Variants in ITGB6 observed in about 807,000 individuals in gnomAD.
ITGB6 encodes the protein integrin beta-6.
ITGB6 carries 80 observed loss-of-function variants against 84.5 expected under a neutral mutation model. The ratio of observed to expected loss-of-function variants is 0.95; its 90% CI spans 0.79 to 1.14. The LOEUF is 1.14. Among genes scored for constraint, ITGB6 ranks in the 50% most tolerant of loss-of-function variants. The pLI is 0.00. For missense variants in ITGB6, 1,006 were observed against 968.0 expected, an observed-to-expected ratio of 1.04 and a Z score of -0.52; for synonymous variants, 383 against 354.9, an observed-to-expected ratio of 1.08 and a Z score of -0.89.
chr2:160,188,691 C>T (rs1013615416), intron 4 of ITGB6, among the ~76,000 whole-genome samples: 2 of 151,982 alleles, frequency 1.3e-5, no homozygotes, highest in Admixed American at 1.3e-4. Flanking sequence ...GCAACCTCCG[C>T]CTCCCTGGTT....
At chr2:160,161,560 G>A (rs1317699375) in intron 7 of ITGB6, among the ~76,000 whole-genome samples, 1 of 151,980 alleles carries the variant, frequency 6.6e-6, no homozygotes, top group Non-Finnish European at 1.5e-5. Flanking sequence ...CAAAGTGCTG[G>A]GATCACAGGC....
chr2:160,117,559 G>A (rs953700009), intron 12 of ITGB6, among the ~76,000 whole-genome samples: 3 of 152,122 alleles, frequency 2.0e-5, no homozygotes, highest in African/African-American at 7.2e-5. Flanking sequence ...ACAAGAGAAA[G>A]CAGGAAAGAT....
chr2:160,102,484 G>A (rs573242796), intron 14 of ITGB6, among the ~76,000 whole-genome samples: 1 of 152,316 alleles, frequency 6.6e-6, no homozygotes, highest in Non-Finnish European at 1.5e-5. Flanking sequence ...CACTGTGTAA[G>A]ACAACCACAA....
Position 160,199,161 on chromosome 2 carries a change from T to C in ITGB6, c.141+18A>G. 1.3e-6 allele frequency: 2 copies of C among 1,598,000 alleles called. No individual in the cohort carries two copies. Among genetic ancestry groups the C allele is most frequent in the Non-Finnish European group, 1.7e-6 (2 of 1,165,498 alleles). On this transcript the variant is annotated intron_variant, in intron 2 of 14. Transcript: ENST00000283249. Reference sequence around the variant, plus strand: ...CTGCAGACAGGTTTTAAAAACACATTGAGGTCATTTATTTTACCTCCTGAG... The same window carrying C: ...CTGCAGACAGGTTTTAAAAACACATCGAGGTCATTTATTTTACCTCCTGAG...
intron 2 of ITGB6, among the ~76,000 whole-genome samples, chr2:160,198,797 C>G (rs536616227): frequency 6.6e-6 from 1 of 152,298 alleles, no homozygotes; most frequent in East Asian, 1.9e-4. Context: ...GGGAATACAA[C>G]TATAATATGA....
At chr2:160,197,011 C>T (rs920681516) in intron 2 of ITGB6, among the ~76,000 whole-genome samples, 1 of 152,112 alleles carries the variant, frequency 6.6e-6, no homozygotes, top group Admixed American at 6.6e-5. Context: ...GTCTGTTACC[C>T]TTATATTGCA....
intron 13 of ITGB6, 94 bp from the exon 14 acceptor site, chr2:160,107,939 C>T (rs1696975653): frequency 9.0e-7 from 1 of 1,110,068 alleles, no homozygotes; most frequent in African/African-American, 1.6e-5. Flanking sequence ...ACATTTTCTG[C>T]AGCAGAGGAT....
At chr2:160,146,104 C>T (rs1416830249) in intron 7 of ITGB6, among the ~76,000 whole-genome samples, 2 of 142,416 alleles carry the variant, frequency 1.4e-5, no homozygotes, top group East Asian at 3.9e-4. Context: ...CCATGTGAGG[C>T]ATGCCCCTCA....
Position 160,169,255 on chromosome 2 carries a change from A to T in ITGB6, c.974T>A (p.Leu325Ter). Residue 325 changes from leucine (L) to a stop codon, truncating the protein, a stop_gained, in exon 7 of 15, where the codon TTA (leucine) becomes TAA (stop). Transcript: ENST00000283249. LOFTEE classifies it high-confidence loss of function. Reference sequence around the variant, plus strand: ...TTCTTGGGTTACAGCGAAGATCAATAACACGTTGTTTTGTACCAGTTTATC... The same window carrying T: ...TTCTTGGGTTACAGCGAAGATCAATTACACGTTGTTTTGTACCAGTTTATC... ...LIDKLVQNNV[L>*]LIFAVTQEQV... 11 of 1,604,934 alleles carry T rather than the reference A, an allele frequency of 6.9e-6. No individual in the cohort carries two copies. The highest frequency in any genetic ancestry group is 8.5e-6 in the Non-Finnish European group (10 of 1,176,768).
intron 7 of ITGB6, among the ~76,000 whole-genome samples, chr2:160,161,519 G>A (rs1684814559): frequency 6.6e-6 from 1 of 152,092 alleles, no homozygotes; most frequent in Non-Finnish European, 1.5e-5. Context: ...TCGAACTCCT[G>A]ACCTCGAGTG....
In ITGB6 at chr2:160,200,084, C is replaced by T. The variant is rs201835279; in HGVS notation, c.-21G>A. ...CCCATTCGTTTCAGTTCTTGCTGTG[C>T]AGACCGATTAAAAAATGAATTACCT... On this transcript the variant is annotated 5_prime_UTR_variant, in exon 1 of 15. Transcript: ENST00000283249. 6.2e-7 allele frequency: 1 copy of T among 1,608,254 alleles called. No homozygotes were observed. Among genetic ancestry groups the T allele is most frequent in the Non-Finnish European group, 8.5e-7 (1 of 1,176,078 alleles).
intron 4 of ITGB6, among the ~76,000 whole-genome samples, chr2:160,175,813 G>A (rs1685396155): frequency 6.6e-6 from 1 of 152,224 alleles, no homozygotes. Context: ...TAATGAAAAT[G>A]TGATAGCCAG....
At position 160,172,445 on chromosome 2, in the gene ITGB6, A is replaced by G. The variant is rs537268289; in HGVS notation, c.921+124T>C. 6.6e-4 allele frequency: 627 copies of G among 944,280 alleles called. 5 individuals are homozygous for G. In the Middle Eastern group the frequency reaches 7.3e-3, roughly 11 times the overall value. 58.5% of individuals were successfully genotyped at this position (944,280 alleles called of 1,614,324 possible). On this transcript the variant is annotated intron_variant, in intron 6 of 14. Coordinates refer to ENST00000283249, the MANE Select transcript of ITGB6 (RefSeq NM_000888.5). The stretch of plus-strand genomic sequence containing the variant: ...AGAATCGAGCTGGGGCAACTTGTTA[A>G]TCCCACATTAGAAAATGTGCACTGC...
chr2:160,112,041 G>C, intron 13 of ITGB6, 39 bp downstream of exon 13: 2 of 1,604,930 alleles, frequency 1.2e-6, no homozygotes, highest in Admixed American at 3.4e-5. Context: ...CTCCTGTGTA[G>C]TATCATTTGC....
intron 7 of ITGB6, among the ~76,000 whole-genome samples, chr2:160,148,986 C>T (rs1468370059): frequency 6.6e-6 from 1 of 152,250 alleles, no homozygotes; most frequent in Non-Finnish European, 1.5e-5. Context: ...TCAACAGGGC[C>T]TGCTGCCTCT....
intron 7 of ITGB6, among the ~76,000 whole-genome samples, chr2:160,149,285 G>A (rs1684321779): frequency 6.6e-6 from 1 of 152,208 alleles, no homozygotes; most frequent in Non-Finnish European, 1.5e-5. Context: ...CTGTTCTGCA[G>A]CCTCTGCTGG....
At chr2:160,149,227 C>T (rs546069239) in intron 7 of ITGB6, among the ~76,000 whole-genome samples, 6 of 152,322 alleles carry the variant, frequency 3.9e-5, no homozygotes, top group East Asian at 3.9e-4. Flanking sequence ...TAGGTGGCTG[C>T]CCCTCTGGGA....
chr2:160,174,158 A>G lies in ITGB6; in HGVS notation c.594-19T>C. The G allele has an allele frequency of 1.9e-6, 3 of 1,563,508 alleles. No homozygotes were observed. Among genetic ancestry groups the G allele is most frequent in the Non-Finnish European group, 2.6e-6 (3 of 1,147,596 alleles). ...AATACTACTGCAAAAGTAAGATGCA[A>G]AAATACTGTTGATGAAATATGATGC... On this transcript the variant is annotated intron_variant, in intron 4 of 14. Transcript: ENST00000283249.
chr2:160,103,609 G>C (rs774004073), intron 14 of ITGB6, among the ~76,000 whole-genome samples: 1 of 152,144 alleles, frequency 6.6e-6, no homozygotes, highest in African/African-American at 2.4e-5. Flanking sequence ...TTTAGATGTA[G>C]ATGGAGTCTC....
Sources: gnomAD v4.1 joint callset for allele counts (sites outside exome capture counted in the v4.1 genomes callset) on GRCh38, gnomAD v4.1.1 for gene constraint, MANE v1.5 for transcripts, NCBI Gene and HGNC (gene_info 2026-07-23, HGNC 2026-07-21) for gene names.